Variants in KSR2 observed in about 807,000 individuals in gnomAD.
KSR2 encodes the protein kinase suppressor of ras 2.
In KSR2, 25 loss-of-function variants were observed where a neutral mutation model predicts 107.8. The ratio of observed to expected loss-of-function variants is 0.23; its 90% CI spans 0.17 to 0.32. The LOEUF (loss-of-function observed/expected upper bound fraction) is 0.32. Among genes scored for constraint, KSR2 ranks in the 10% least tolerant of loss-of-function variants. KSR2 has a pLI of 1.00. For missense variants in KSR2, 887 were observed against 1,268.9 expected, an observed-to-expected ratio of 0.70 and a Z score of 4.57; for synonymous variants, 480 against 507.0, an observed-to-expected ratio of 0.95 and a Z score of 0.71.
chr12:117,855,322 G>T, intron 3 of KSR2, 106 bp downstream of exon 3: 1 of 1,469,532 alleles, frequency 6.8e-7, no homozygotes, highest in South Asian at 1.3e-5. Flanking sequence ...CCCCAGGGTT[G>T]ACTCTGTCTC....
intron 1 of KSR2, among the ~76,000 whole-genome samples, chr12:117,869,657 G>T (rs2137279091): frequency 6.6e-6 from 1 of 152,272 alleles, no homozygotes; most frequent in Admixed American, 6.5e-5. Context: ...TTAGTAGTAA[G>T]CCCTGAGGGT....
At chr12:117,593,179 G>C (rs1880426759) in intron 5 of KSR2, among the ~76,000 whole-genome samples, 1 of 152,104 alleles carries the variant, frequency 6.6e-6, no homozygotes, top group Admixed American at 6.5e-5. Flanking sequence ...TTGACCCAAA[G>C]GAAAATGCTA....
At chr12:117,753,818 A>T (rs73215922) in intron 4 of KSR2, among the ~76,000 whole-genome samples, 53 of 20,410 alleles carry the variant, frequency 2.6e-3, no homozygotes, top group Middle Eastern at 0.033. Flanking sequence ...AATGAAAGTT[A>T]AAAAAAAAAA....
chr12:117,629,155 C>T (rs1882684796), intron 5 of KSR2, among the ~76,000 whole-genome samples: 1 of 152,228 alleles, frequency 6.6e-6, no homozygotes, highest in South Asian at 2.1e-4. Flanking sequence ...CCATGCGCTT[C>T]CCAGGTGAGT....
intron 1 of KSR2, among the ~76,000 whole-genome samples, chr12:117,919,347 C>A (rs1161423614): frequency 2.0e-5 from 3 of 152,088 alleles, no homozygotes; most frequent in Non-Finnish European, 4.4e-5. Flanking sequence ...GCAGGACTTC[C>A]GCATCTTTCT....
intron 5 of KSR2, among the ~76,000 whole-genome samples, chr12:117,628,865 G>A (rs1421247197): frequency 2.6e-5 from 4 of 152,240 alleles, no homozygotes; most frequent in South Asian, 2.1e-4. Context: ...CGCCCAGTTC[G>A]AGCTTCCCAG....
intron 5 of KSR2, among the ~76,000 whole-genome samples, chr12:117,612,260 C>T (rs556629522): frequency 1.1e-4 from 17 of 152,020 alleles, no homozygotes; most frequent in Middle Eastern, 3.4e-3. Context: ...AAAAATTAGC[C>T]GGGCGTGGTG....
intron 4 of KSR2, among the ~76,000 whole-genome samples, chr12:117,703,575 C>T (rs951958352): frequency 6.6e-6 from 1 of 152,176 alleles, no homozygotes; most frequent in Non-Finnish European, 1.5e-5. Context: ...ACAATAAAAA[C>T]AGCAAAGAAA....
rs983311303 is a variant in KSR2, at chr12:117,676,863, C to T, written c.987-9205G>A. ...ACCTTTGTAAGAATGTTCATGGCAG[C>T]GTTATTCATAAGGGCCACACAAACA... On this transcript the variant is annotated intron_variant, in intron 4 of 19. Coordinates refer to ENST00000339824, the MANE Select transcript of KSR2 (RefSeq NM_173598.6). Among the ~76,000 whole-genome samples the T allele has an allele frequency of 3.3e-5, 5 of 152,248 alleles. No homozygotes were observed. The East Asian group carries it at 5.8e-4, about 18-fold the overall frequency.
chr12:117,644,436 G>A (rs1883524336), intron 5 of KSR2, among the ~76,000 whole-genome samples: 1 of 152,192 alleles, frequency 6.6e-6, no homozygotes. Context: ...GGCTACTAAA[G>A]CAGGATCAGT....
Position 117,897,101 on chromosome 12 carries a change from G to A in KSR2, c.181-36670C>T, listed in dbSNP as rs559793217. ...CTGTTCCTCTTCGCCCAAGTCTACCGGGACTGATGTTCAGCTTGAGGGAGT... is the reference window on the plus strand; with the variant it reads ...CTGTTCCTCTTCGCCCAAGTCTACCAGGACTGATGTTCAGCTTGAGGGAGT... On this transcript the variant is annotated intron_variant, in intron 1 of 19. Transcript: ENST00000339824. The surrounding 1 kb of genome is among the most constrained non-coding windows in gnomAD (Gnocchi z 4.5). 3.9e-5 allele frequency among the ~76,000 whole-genome samples: 6 copies of A among 152,242 alleles called. No homozygotes were observed. Among genetic ancestry groups the A allele is most frequent in the South Asian group, 2.1e-4 (1 of 4,824 alleles).
intron 14 of KSR2, among the ~76,000 whole-genome samples, chr12:117,486,102 A>G (rs1242171499): frequency 6.6e-6 from 1 of 152,216 alleles, no homozygotes; most frequent in East Asian, 1.9e-4. Flanking sequence ...GTGTGTGAGG[A>G]CAGTGATGAA....
intron 5 of KSR2, among the ~76,000 whole-genome samples, chr12:117,658,584 C>A (rs1275827553): frequency 6.6e-6 from 1 of 152,156 alleles, no homozygotes; most frequent in Non-Finnish European, 1.5e-5. Flanking sequence ...GAAATATTTA[C>A]TATCTGGCCT....
At chr12:117,667,404 G>T (rs1884699837) in intron 5 of KSR2, 70 bp downstream of exon 5, 2 of 1,415,838 alleles carry the variant, frequency 1.4e-6, no homozygotes, top group African/African-American at 1.4e-5. Flanking sequence ...TGGCACAGAG[G>T]ACAGCAGGTG....
intron 1 of KSR2, among the ~76,000 whole-genome samples, chr12:117,955,190 T>C (rs1896476879): frequency 6.6e-6 from 1 of 152,038 alleles, no homozygotes; most frequent in African/African-American, 2.4e-5. Context: ...GGCACAATCA[T>C]GGCTCACTGC....
At position 117,768,866 on chromosome 12, in the gene KSR2, G is replaced by A. The variant is rs115826375; in HGVS notation, c.473-7342C>T. ...CACAGAGAGGTCAAGTGGCTTGCTC[G>A]AGGCCACAGAGCCTTGTCCAAGAAG... On this transcript the variant is annotated intron_variant, in intron 3 of 19. Coordinates refer to ENST00000339824, the MANE Select transcript of KSR2 (RefSeq NM_173598.6). Among the ~76,000 whole-genome samples, 1,469 of 152,312 alleles carry A rather than the reference G, an allele frequency of 9.6e-3. 27 individuals are homozygous for A. The highest frequency in any genetic ancestry group is 0.033 in the African/African-American group (1,381 of 41,574).
At chr12:117,780,274 G>A (rs903456835) in intron 3 of KSR2, among the ~76,000 whole-genome samples, 1 of 152,170 alleles carries the variant, frequency 6.6e-6, no homozygotes, top group Admixed American at 6.5e-5. Flanking sequence ...GTTCAGAGTA[G>A]CATTATTCAC....
intron 4 of KSR2, among the ~76,000 whole-genome samples, chr12:117,736,611 T>G (rs1270270182): frequency 2.6e-5 from 4 of 151,794 alleles, no homozygotes; most frequent in African/African-American, 9.7e-5. Context: ...AGAGTTCGAG[T>G]CCAGCCTGGG....
intron 1 of KSR2, among the ~76,000 whole-genome samples, chr12:117,955,646 A>G (rs1412585679): frequency 6.6e-6 from 1 of 151,890 alleles, no homozygotes; most frequent in Non-Finnish European, 1.5e-5. Context: ...AGGAAAATCA[A>G]ACGCATCCAT....
Sources: gnomAD v4.1 joint callset for allele counts (sites outside exome capture counted in the v4.1 genomes callset) on GRCh38, gnomAD v4.1.1 for gene constraint, Gnocchi (gnomAD v3.1) non-coding constraint, MANE v1.5 for transcripts, NCBI Gene and HGNC (gene_info 2026-07-23, HGNC 2026-07-21) for gene names.